APLF: variants seen among roughly 807,000 people sequenced by gnomAD.
APLF encodes aprataxin and PNKP like factor, also known as aprataxin and PNK-like factor.
In APLF, 61 loss-of-function variants were observed where a neutral mutation model predicts 55.6. That is an observed-to-expected ratio of 1.10 (90% CI 0.89 to 1.36). The LOEUF is 1.36. Ranked by LOEUF, APLF falls within the 40% of genes most tolerant of loss-of-function variation. The pLI is 0.00. For synonymous variants in APLF, 207 were observed against 214.8 expected, an observed-to-expected ratio of 0.96 and a Z score of 0.32; for missense variants, 611 against 602.5, an observed-to-expected ratio of 1.01 and a Z score of -0.15.
chr2:68,571,913 CT>C (rs1671480541), intron 9 of APLF, among the ~76,000 whole-genome samples: 1 of 152,086 alleles, frequency 6.6e-6, no homozygotes, highest in Non-Finnish European at 1.5e-5. Context: ...TGGGGTCCTC[CT>C]TTCTGGCCTC....
At chr2:68,484,301 A>G (rs13400980) in intron 1 of APLF, among the ~76,000 whole-genome samples, 12,311 of 152,158 alleles carry the variant, frequency 0.081, 563 homozygotes, top group Middle Eastern at 0.12. Context: ...AATATTTAAA[A>G]CCAGAAAGTC....
intron 8 of APLF, among the ~76,000 whole-genome samples, chr2:68,552,791 G>A (rs1483091106): frequency 6.6e-6 from 1 of 152,078 alleles, no homozygotes; most frequent in Non-Finnish European, 1.5e-5. Context: ...AAACCAATTA[G>A]CTTACATGTG....
intron 5 of APLF, among the ~76,000 whole-genome samples, chr2:68,524,090 C>G (rs1036153557): frequency 2.0e-5 from 3 of 151,974 alleles, no homozygotes; most frequent in Non-Finnish European, 4.4e-5. Flanking sequence ...TACTGTAGTT[C>G]TTAGCATAAT....
At chr2:68,525,967 C>A (rs1670033114) in intron 5 of APLF, 94 bp from the exon 6 acceptor site, 1 of 1,260,286 alleles carries the variant, frequency 7.9e-7, no homozygotes, top group Non-Finnish European at 1.1e-6. Context: ...CCAGGCTGGT[C>A]TCGAATCCTT....
intron 1 of APLF, among the ~76,000 whole-genome samples, chr2:68,479,796 C>T (rs898206645): frequency 6.6e-6 from 1 of 152,050 alleles, no homozygotes; most frequent in Non-Finnish European, 1.5e-5. Flanking sequence ...CCTTTCTTGC[C>T]TTCCCTTCTA....
Position 68,552,842 on chromosome 2 carries a change from T to C in APLF, c.1286+7530T>C, listed in dbSNP as rs555580101. Among the ~76,000 whole-genome samples, 19 of 152,182 alleles carry C rather than the reference T, an allele frequency of 1.2e-4. No individual in the cohort carries two copies. The South Asian group carries it at 1.9e-3, about 15-fold the overall frequency. On this transcript the variant is annotated intron_variant, in intron 8 of 9. Coordinates refer to ENST00000303795, the MANE Select transcript of APLF (RefSeq NM_173545.3). The stretch of plus-strand genomic sequence containing the variant: ...ATGTCTGTAGATACGTGTAGATGTA[T>C]ACGTATAGATATGGTGCTTTCTTCA...
At chr2:68,577,042 T>G (rs990795065) in intron 9 of APLF, among the ~76,000 whole-genome samples, 2 of 152,196 alleles carry the variant, frequency 1.3e-5, no homozygotes, top group South Asian at 4.1e-4. Flanking sequence ...ATTATAATAT[T>G]ACTTAGAAAT....
At chr2:68,542,332 A>G (rs191572602) in intron 7 of APLF, among the ~76,000 whole-genome samples, 11 of 152,318 alleles carry the variant, frequency 7.2e-5, no homozygotes, top group Admixed American at 4.6e-4. Flanking sequence ...ACTTCTGTAC[A>G]TGAAAGAACA....
At chr2:68,546,675 A>G (rs1261673796) in intron 8 of APLF, among the ~76,000 whole-genome samples, 2 of 151,938 alleles carry the variant, frequency 1.3e-5, no homozygotes, top group Non-Finnish European at 2.9e-5. Context: ...GATGATTGGA[A>G]AGAAAAAAAC....
intron 1 of APLF, among the ~76,000 whole-genome samples, chr2:68,472,021 C>T (rs912019307): frequency 6.6e-6 from 1 of 152,154 alleles, no homozygotes; most frequent in Non-Finnish European, 1.5e-5. Context: ...AAAGCAGGGG[C>T]TTCCAGGCTA....
At chr2:68,500,101 T>C (rs947727973) in intron 2 of APLF, among the ~76,000 whole-genome samples, 1 of 152,252 alleles carries the variant, frequency 6.6e-6, no homozygotes, top group Non-Finnish European at 1.5e-5. Context: ...TTTGTATACT[T>C]TGTAACTTTT....
intron 8 of APLF, among the ~76,000 whole-genome samples, chr2:68,558,513 A>G (rs921738000): frequency 6.6e-6 from 1 of 152,230 alleles, no homozygotes; most frequent in Non-Finnish European, 1.5e-5. Context: ...AAGATAAACC[A>G]TTTTGTTTTG....
chr2:68,489,846 T>C (rs1259646289), intron 1 of APLF, among the ~76,000 whole-genome samples: 1 of 152,224 alleles, frequency 6.6e-6, no homozygotes, highest in Non-Finnish European at 1.5e-5. Context: ...TTCTGGTAAG[T>C]ACATATTATA....
intron 2 of APLF, among the ~76,000 whole-genome samples, chr2:68,500,637 G>T (rs1026166226): frequency 6.6e-6 from 1 of 152,200 alleles, no homozygotes; most frequent in Non-Finnish European, 1.5e-5. Context: ...CATGGTCTTA[G>T]CCTATAATCA....
In APLF at chr2:68,546,451, A is replaced by G. The variant is rs920075570; in HGVS notation, c.1286+1139A>G. On this transcript the variant is annotated intron_variant, in intron 8 of 9. Coordinates refer to ENST00000303795, the MANE Select transcript of APLF (RefSeq NM_173545.3). ...ACAAGTTTGATACCAAAACCCAGCA[A>G]GAATAATACAAGAATGAAAAATTAT... Among the ~76,000 whole-genome samples the G allele has an allele frequency of 2.0e-5, 3 of 152,126 alleles. No individual in the cohort carries two copies. In the East Asian group the frequency reaches 5.8e-4, roughly 29 times the overall value.
chr2:68,494,233 G>A (rs189035098), intron 2 of APLF, among the ~76,000 whole-genome samples: 3 of 128,008 alleles, frequency 2.3e-5, no homozygotes, highest in South Asian at 2.4e-4. Flanking sequence ...AGCTGAGATC[G>A]CACCACTGTA....
chr2:68,468,664 T>G (rs1675511362), intron 1 of APLF, among the ~76,000 whole-genome samples: 1 of 152,232 alleles, frequency 6.6e-6, no homozygotes, highest in Admixed American at 6.5e-5. Flanking sequence ...ATAGATCTCT[T>G]AAGTACATCT....
Position 68,566,044 on chromosome 2 carries a change from A to G in APLF, c.1287-1297A>G, listed in dbSNP as rs1161337156. ...TCCTAGTACATATTTACATCCTATG[A>G]CTCATAGACTAGGTTCGGGGCTAGA... is the stretch of plus-strand genomic sequence containing the variant. On this transcript the variant is annotated intron_variant, in intron 8 of 9. Coordinates refer to ENST00000303795, the MANE Select transcript of APLF (RefSeq NM_173545.3). Among the ~76,000 whole-genome samples the G allele has an allele frequency of 2.6e-5, 4 of 152,090 alleles. No homozygotes were observed. In the East Asian group the frequency reaches 5.8e-4, roughly 22 times the overall value.
rs771667179 is a variant in APLF at position 68,526,173 on chromosome 2, A to G, written c.735A>G (p.Thr245=). The G allele has an allele frequency of 6.2e-7, 1 of 1,614,066 alleles. No homozygotes were observed. The highest frequency in any genetic ancestry group is 8.5e-7 in the Non-Finnish European group (1 of 1,179,988). ...TTTCATCAGGAAGTTCAGAAAATAC[A>G]TCAGCAGAACAAGACACAGGAGAAG... is the stretch of plus-strand genomic sequence containing the variant. The part of the protein sequence containing the change: ...QLISSGSSEN[T]SAEQDTGEEC... The change falls in exon 6 of 10, where the codon ACA becomes ACG. Residue 245 remains threonine (T), a synonymous_variant. Transcript: ENST00000303795.
Sources: gnomAD v4.1 joint callset for allele counts (sites outside exome capture counted in the v4.1 genomes callset) on GRCh38, gnomAD v4.1.1 for gene constraint, MANE v1.5 for transcripts, NCBI Gene and HGNC (gene_info 2026-07-23, HGNC 2026-07-21) for gene names.